PRKCA: variants seen among roughly 807,000 people sequenced by gnomAD.
The protein encoded by PRKCA is protein kinase C alpha type.
Under a neutral mutation model 87.0 loss-of-function variants are expected in PRKCA, and 27 were observed. The observed-to-expected ratio is 0.31, with a 90% confidence interval of 0.23 to 0.43. The LOEUF (loss-of-function observed/expected upper bound fraction) is 0.43, where lower values mean the gene tolerates loss of function less well. PRKCA is among the 20% of genes least tolerant of loss of function. PRKCA has a pLI of 1.00. For missense variants in PRKCA, 518 were observed against 852.3 expected (o/e 0.61, Z 4.88); for synonymous variants, 329 against 311.1 (o/e 1.06, Z -0.61).
intron 5 of PRKCA, among the ~76,000 whole-genome samples, chr17:66,685,277 A>G (rs1295298088): frequency 6.6e-6 from 1 of 152,146 alleles, no homozygotes; most frequent in Non-Finnish European, 1.5e-5. Flanking sequence ...TCATTTTTCT[A>G]GATGAAGAGA....
chr17:66,773,845 C>T, intron 13 of PRKCA, 142 bp from the exon 14 acceptor site: 1 of 1,384,666 alleles, frequency 7.2e-7, no homozygotes, highest in Non-Finnish European at 9.9e-7. Context: ...GGTCCTCTTC[C>T]CTTGGCGTAA....
chr17:66,754,777 C>T lies in PRKCA; in HGVS notation c.1524+12017C>T, dbSNP rs1343335630. On this transcript the variant is annotated intron_variant, in intron 13 of 16. Coordinates refer to ENST00000413366, the MANE Select transcript of PRKCA (RefSeq NM_002737.3). ...ATGTCAATATTACATTCTTAGGCCT[C>T]CACATACTGGAGTGGAATCTCAGGG... is the stretch of plus-strand genomic sequence containing the variant. Among the ~76,000 whole-genome samples, 7 of 152,030 alleles carry T rather than the reference C, an allele frequency of 4.6e-5. No homozygotes were observed. In the East Asian group the frequency reaches 1.3e-3, roughly 29 times the overall value.
intron 3 of PRKCA, among the ~76,000 whole-genome samples, chr17:66,508,731 A>C (rs983828338): frequency 1.3e-5 from 2 of 152,038 alleles, no homozygotes; most frequent in Non-Finnish European, 2.9e-5. Context: ...CTCCATCTCC[A>C]TAGCCACTGT....
At chr17:66,648,553 A>G (rs1048568282) in intron 5 of PRKCA, among the ~76,000 whole-genome samples, 3 of 152,340 alleles carry the variant, frequency 2.0e-5, no homozygotes, top group African/African-American at 4.8e-5. Flanking sequence ...GACAGTTTCC[A>G]TAAGAATTGG....
At chr17:66,665,541 G>A (rs1262910579) in intron 5 of PRKCA, among the ~76,000 whole-genome samples, 3 of 152,110 alleles carry the variant, frequency 2.0e-5, no homozygotes, top group African/African-American at 7.2e-5. Flanking sequence ...AAAGTCACCT[G>A]AGTAGACCTG....
At chr17:66,733,428 G>T (rs1416658651) in intron 9 of PRKCA, among the ~76,000 whole-genome samples, 2 of 152,186 alleles carry the variant, frequency 1.3e-5, no homozygotes, top group East Asian at 3.9e-4. Flanking sequence ...CCTAGCACAG[G>T]CACAATGGAT....
chr17:66,360,389 T>C (rs1466036662), intron 2 of PRKCA, among the ~76,000 whole-genome samples: 2 of 152,124 alleles, frequency 1.3e-5, no homozygotes, highest in Non-Finnish European at 2.9e-5. Context: ...TCTTAGCTGC[T>C]CCACGAGAAA....
chr17:66,515,534 G>C lies in PRKCA; in HGVS notation c.288+19251G>C, dbSNP rs115447376. On this transcript the variant is annotated intron_variant, in intron 3 of 16. Coordinates refer to ENST00000413366, the MANE Select transcript of PRKCA (RefSeq NM_002737.3). The stretch of plus-strand genomic sequence containing the variant: ...AAGGAGACAAGGATGAGGAAGTCTT[G>C]TGTGAGTTTTTCTTTTTTTGCGGGG... Among the ~76,000 whole-genome samples, 1,368 of 152,242 alleles carry C rather than the reference G, an allele frequency of 9.0e-3. 14 individuals are homozygous for C. Among genetic ancestry groups the C allele is most frequent in the African/African-American group, 0.032 (1,316 of 41,538 alleles).
At chr17:66,608,193 G>A (rs1970263891) in intron 3 of PRKCA, among the ~76,000 whole-genome samples, 1 of 152,020 alleles carries the variant, frequency 6.6e-6, no homozygotes, top group Admixed American at 6.5e-5. Flanking sequence ...ACCGATTGGA[G>A]CACACCAATT....
intron 3 of PRKCA, among the ~76,000 whole-genome samples, chr17:66,534,555 T>C (rs1239534855): frequency 6.6e-6 from 1 of 152,088 alleles, no homozygotes; most frequent in Non-Finnish European, 1.5e-5. Flanking sequence ...TAGTCCCAGC[T>C]ACTCGGGAGG....
chr17:66,551,837 A>C (rs1386484202), intron 3 of PRKCA, among the ~76,000 whole-genome samples: 1 of 152,194 alleles, frequency 6.6e-6, no homozygotes, highest in Non-Finnish European at 1.5e-5. Context: ...TTAATGAAGT[A>C]TAATTCACAT....
chr17:66,536,747 C>T (rs895388115), intron 3 of PRKCA, among the ~76,000 whole-genome samples: 6 of 152,184 alleles, frequency 3.9e-5, no homozygotes, highest in South Asian at 2.1e-4. Context: ...GCTCTTCTCC[C>T]GTGGGAATTG....
At chr17:66,575,997 C>T (rs1248916365) in intron 3 of PRKCA, among the ~76,000 whole-genome samples, 1 of 151,832 alleles carries the variant, frequency 6.6e-6, no homozygotes, top group Non-Finnish European at 1.5e-5. Flanking sequence ...GCCTGTAATC[C>T]CAGCTACTCC....
chr17:66,441,724 G>C (rs1296861650), intron 2 of PRKCA, among the ~76,000 whole-genome samples: 1 of 151,962 alleles, frequency 6.6e-6, no homozygotes, highest in Non-Finnish European at 1.5e-5. Context: ...TCATGTTTTT[G>C]TTCTCAAAAT....
chr17:66,415,660 A>G (rs1939820972), intron 2 of PRKCA: 1 of 152,236 alleles, frequency 6.6e-6, no homozygotes, highest in Non-Finnish European at 1.5e-5. Context: ...GTTCAGCTTC[A>G]AAGAAAAAAA....
At chr17:66,524,472 C>T (rs1386847521) in intron 3 of PRKCA, among the ~76,000 whole-genome samples, 1 of 152,030 alleles carries the variant, frequency 6.6e-6, no homozygotes, top group African/African-American at 2.4e-5. Context: ...ACGGGTAGTC[C>T]CTGACTTATA....
At chr17:66,759,296 C>T (rs1236347442) in intron 13 of PRKCA, among the ~76,000 whole-genome samples, 1 of 151,242 alleles carries the variant, frequency 6.6e-6, no homozygotes, top group East Asian at 1.9e-4. Context: ...GCAGAGCTTG[C>T]AGTGAGCCAA....
intron 3 of PRKCA, among the ~76,000 whole-genome samples, chr17:66,562,134 A>ATATATAT (rs1968716945): frequency 2.9e-5 from 1 of 34,630 alleles, no homozygotes; most frequent in African/African-American, 3.0e-4. Flanking sequence ...ATATATAATT[A>ATATATAT]AATTATATAT....
intron 13 of PRKCA, among the ~76,000 whole-genome samples, chr17:66,764,393 G>C (rs56399646): frequency 0.23 from 35,305 of 152,096 alleles, 4,280 homozygotes; most frequent in East Asian, 0.35. Flanking sequence ...GGAAGGCTGG[G>C]TGGCCTTGGA....
Sources: gnomAD v4.1 joint callset for allele counts (sites outside exome capture counted in the v4.1 genomes callset) on GRCh38, gnomAD v4.1.1 for gene constraint, MANE v1.5 for transcripts, NCBI Gene and HGNC (gene_info 2026-07-23, HGNC 2026-07-21) for gene names.